The following ARMH3 variants were observed in gnomAD, a reference collection of about 807,000 sequenced individuals.
The protein encoded by ARMH3 is armadillo-like helical domain-containing protein 3.
A neutral mutation model predicts 99.1 loss-of-function variants in ARMH3; 60 were observed. The observed-to-expected ratio is 0.61, with a 90% CI of 0.49 to 0.75. ARMH3 has a LOEUF of 0.75. ARMH3 is among the 30% of genes least tolerant of loss of function. ARMH3 has a pLI of 0.00. For missense variants in ARMH3, 679 were observed against 843.1 expected (o/e 0.81, Z 2.41); for synonymous variants, 285 against 292.8 (o/e 0.97, Z 0.27).
chr10:101,994,729 CTTTTTTA>C (rs979674106), intron 16 of ARMH3, among the ~76,000 whole-genome samples: 3 of 152,122 alleles, frequency 2.0e-5, no homozygotes, highest in Non-Finnish European at 2.9e-5. Context: ...ACCTGAGCTC[CTTTTTTA>C]TTTTTTAAAC....
chr10:101,883,448 G>T (rs1421257227), intron 24 of ARMH3, among the ~76,000 whole-genome samples: 1 of 152,020 alleles, frequency 6.6e-6, no homozygotes, highest in Non-Finnish European at 1.5e-5. Context: ...GAATAGAGGA[G>T]AGGGAGTATC....
chr10:101,915,936 T>C (rs946650697), intron 23 of ARMH3, among the ~76,000 whole-genome samples: 1 of 151,818 alleles, frequency 6.6e-6, no homozygotes, highest in Non-Finnish European at 1.5e-5. Context: ...CCGGAGTAGC[T>C]GGAACTACAG....
Position 102,011,830 on chromosome 10 carries a change from T to C in ARMH3, c.771-47A>G, listed in dbSNP as rs2066636281. 7 of 1,505,914 alleles carry C rather than the reference T, an allele frequency of 4.6e-6. No individual in the cohort carries two copies. The Middle Eastern group carries it at 5.2e-4, about 113-fold the overall frequency. 93.3% of individuals were successfully genotyped at this position (1,505,914 alleles called of 1,614,324 possible). ...CAACTTTAGGATTGTTTATCAATTATGTCTTTGTCCTTGACATTTGGGGTA... is the reference window on the plus strand; with the variant it reads ...CAACTTTAGGATTGTTTATCAATTACGTCTTTGTCCTTGACATTTGGGGTA... On this transcript the variant is annotated intron_variant, in intron 10 of 25. Transcript: ENST00000370033.
Position 102,014,008 on chromosome 10 carries a change from A to C in ARMH3, c.686T>G (p.Ile229Ser), listed in dbSNP as rs1432954460. Reference protein sequence around the residue: ...YRKYESVNPYIVKLSIVDDEA... With the variant: ...YRKYESVNPYSVKLSIVDDEA... Reference sequence around the variant, plus strand: ...ATCATCCACGATAGACAGCTTCACAATATAAGGATTCACAGACTGTTAAAT... The same window carrying C: ...ATCATCCACGATAGACAGCTTCACACTATAAGGATTCACAGACTGTTAAAT... The change falls in exon 9 of 26, where the codon ATT (isoleucine) becomes AGT (serine). Residue 229 changes from isoleucine (I) to serine (S), a missense_variant. Transcript: ENST00000370033. The C allele has an allele frequency of 1.2e-6, 2 of 1,611,430 alleles. No homozygotes were observed. Among genetic ancestry groups the C allele is most frequent in the Non-Finnish European group, 1.7e-6 (2 of 1,178,628 alleles).
Position 101,855,268 on chromosome 10 carries a change from A to G in ARMH3, c.1861-5376T>C, listed in dbSNP as rs528877897. ...TTTTTAGTAGAGATAGGGTTTTACCATGTTGGCCACGCTGGTCTTGAACTC... is the reference window on the plus strand; with the variant it reads ...TTTTTAGTAGAGATAGGGTTTTACCGTGTTGGCCACGCTGGTCTTGAACTC... On this transcript the variant is annotated intron_variant, in intron 24 of 25. Transcript: ENST00000370033. 2.0e-4 allele frequency among the ~76,000 whole-genome samples: 30 copies of G among 146,646 alleles called. No individual in the cohort carries two copies. The East Asian group carries it at 6.1e-3, about 30-fold the overall frequency.
intron 23 of ARMH3, among the ~76,000 whole-genome samples, chr10:101,931,699 A>G (rs1311843050): frequency 1.3e-5 from 2 of 152,086 alleles, no homozygotes; most frequent in African/African-American, 4.8e-5. Context: ...AGGAGGATCA[A>G]TTGAGCCCAG....
chr10:101,991,584 T>C (rs960521151), intron 18 of ARMH3, among the ~76,000 whole-genome samples: 1 of 152,178 alleles, frequency 6.6e-6, no homozygotes, highest in Non-Finnish European at 1.5e-5. Context: ...TTTCACCATG[T>C]TGGCCAAGCT....
chr10:101,888,072 TTA>T (rs1491566443), intron 24 of ARMH3, among the ~76,000 whole-genome samples: 1 of 149,586 alleles, frequency 6.7e-6, no homozygotes, highest in African/African-American at 2.5e-5. Flanking sequence ...TTTTTTTTTT[TTA>T]AAAAAAAAAA....
At position 102,011,732 on chromosome 10, in the gene ARMH3, T is replaced by G. The variant is rs1387814698; in HGVS notation, c.822A>C (p.Leu274Phe). ...AAAAAGCAGGACTTACCATATTTGT[T>G]AAAGCAGAGAAAAAACCACTTTGGT... ...EEHQSGFFSALTNMVGSMFIA... is the reference protein window; with the variant it reads ...EEHQSGFFSAFTNMVGSMFIA... The change falls in exon 11 of 26, where the codon TTA becomes TTC. Residue 274 changes from leucine to phenylalanine, a missense_variant. By Grantham distance (22) the Leu-to-Phe change is conservative (BLOSUM62 0). Coordinates refer to ENST00000370033, the MANE Select transcript of ARMH3 (RefSeq NM_024541.3). 5 of 1,609,300 alleles carry G rather than the reference T, an allele frequency of 3.1e-6. No homozygotes were observed. Among genetic ancestry groups the G allele is most frequent in the Non-Finnish European group, 4.2e-6 (5 of 1,177,950 alleles).
At chr10:101,986,700 C>A (rs1004797526) in intron 19 of ARMH3, among the ~76,000 whole-genome samples, 2 of 152,174 alleles carry the variant, frequency 1.3e-5, no homozygotes, top group Admixed American at 1.3e-4. Flanking sequence ...GTGAGAGCAG[C>A]AGCCTGGCCT....
At chr10:101,959,230 T>TAATG (rs1404337526) in intron 20 of ARMH3, among the ~76,000 whole-genome samples, 1 of 152,154 alleles carries the variant, frequency 6.6e-6, no homozygotes, top group African/African-American at 2.4e-5. Context: ...AGCACAGGAA[T>TAATG]AATGGGGCTA....
At chr10:102,008,728 T>A (rs12415075) in intron 13 of ARMH3, among the ~76,000 whole-genome samples, 3 of 151,654 alleles carry the variant, frequency 2.0e-5, no homozygotes, top group Admixed American at 1.3e-4. Flanking sequence ...ATTTTTTTTT[T>A]AATTTTTTTT....
chr10:102,054,044 C>A (rs1358745993), intron 1 of ARMH3, among the ~76,000 whole-genome samples: 1 of 152,084 alleles, frequency 6.6e-6, no homozygotes, highest in Non-Finnish European at 1.5e-5. Context: ...TGTGAGATTC[C>A]AAATTTCATA....
intron 19 of ARMH3, among the ~76,000 whole-genome samples, chr10:101,978,698 T>C (rs1347241779): frequency 6.6e-6 from 1 of 152,120 alleles, no homozygotes; most frequent in Non-Finnish European, 1.5e-5. Flanking sequence ...TCCCAGCACT[T>C]TGGGAGGCCA....
At chr10:101,887,616 G>A (rs1461090366) in intron 24 of ARMH3, among the ~76,000 whole-genome samples, 1 of 12,460 alleles carries the variant, frequency 8.0e-5, no homozygotes, top group African/African-American at 2.9e-4. Context: ...TTTTTTTTTT[G>A]TAGAGACAGC....
At chr10:101,887,935 T>C (rs1467835224) in intron 24 of ARMH3, among the ~76,000 whole-genome samples, 1 of 152,104 alleles carries the variant, frequency 6.6e-6, no homozygotes, top group Non-Finnish European at 1.5e-5. Flanking sequence ...ACAGATTGCC[T>C]TGTGTGCCAG....
intron 8 of ARMH3, among the ~76,000 whole-genome samples, chr10:102,018,420 C>A (rs1334496330): frequency 6.6e-6 from 1 of 152,178 alleles, no homozygotes; most frequent in Non-Finnish European, 1.5e-5. Context: ...GCGATACTTA[C>A]ATAAGCAGAT....
chr10:101,956,450 C>T (rs970221872), intron 22 of ARMH3, 147 bp downstream of exon 22: 1 of 1,027,682 alleles, frequency 9.7e-7, no homozygotes, highest in Non-Finnish European at 1.4e-6. Context: ...ATGTACCTTC[C>T]TATTGCCTGA....
At chr10:101,856,010 C>T (rs2066730353) in intron 24 of ARMH3, among the ~76,000 whole-genome samples, 1 of 152,020 alleles carries the variant, frequency 6.6e-6, no homozygotes, top group South Asian at 2.1e-4. Flanking sequence ...TAACCTGAGG[C>T]ACATTCTTGG....
Sources: allele counts gnomAD v4.1 joint callset (sites outside exome capture counted in the v4.1 genomes callset), GRCh38; gene constraint gnomAD v4.1.1; transcripts MANE v1.5; gene names NCBI Gene and HGNC (gene_info 2026-07-23, HGNC 2026-07-21).